ADGRL4: variants seen among roughly 807,000 people sequenced by gnomAD.
ADGRL4 encodes the protein adhesion G protein-coupled receptor L4.
ADGRL4 carries 90 observed loss-of-function variants against 74.8 expected under a neutral mutation model. That is an observed-to-expected ratio of 1.20 (90% CI 1.02 to 1.43). ADGRL4 has a LOEUF of 1.43. Among genes scored for constraint, ADGRL4 ranks in the 40% most tolerant of loss-of-function variants. The pLI is 0.00. For missense variants in ADGRL4, 881 were observed against 814.3 expected (o/e 1.08, Z -1.00); for synonymous variants, 311 against 279.2 (o/e 1.11, Z -1.14).
chr1:78,993,570 CCA>C (rs200036223), intron 2 of ADGRL4, among the ~76,000 whole-genome samples: 19,771 of 102,920 alleles, frequency 0.19, 1,423 homozygotes, highest in East Asian at 0.38. Context: ...AGCAAAAATT[CCA>C]TTTTTTTTTT....
chr1:78,995,315 G>A (rs1453756881), intron 2 of ADGRL4, among the ~76,000 whole-genome samples: 1 of 152,164 alleles, frequency 6.6e-6, no homozygotes, highest in African/African-American at 2.4e-5. Context: ...TTCCTTCTGA[G>A]GGAGGAAACC....
chr1:78,956,683 T>A (rs1236028615), intron 2 of ADGRL4, among the ~76,000 whole-genome samples: 1 of 152,138 alleles, frequency 6.6e-6, no homozygotes, highest in Admixed American at 6.6e-5. Flanking sequence ...AACAGAGAAT[T>A]GAATTACCTA....
At chr1:78,916,393 A>C (rs993132921) in intron 12 of ADGRL4, among the ~76,000 whole-genome samples, 4 of 151,862 alleles carry the variant, frequency 2.6e-5, no homozygotes, top group African/African-American at 9.7e-5. Context: ...CACATGAAAT[A>C]CTCACATCAG....
intron 14 of ADGRL4, 129 bp from the exon 15 acceptor site, chr1:78,891,345 G>A: frequency 8.0e-7 from 1 of 1,246,216 alleles, no homozygotes; most frequent in South Asian, 1.6e-5. Flanking sequence ...GTCCATTTAA[G>A]TTATATTTAT....
At chr1:78,913,128 C>A (rs1228919272) in intron 12 of ADGRL4, among the ~76,000 whole-genome samples, 1 of 151,710 alleles carries the variant, frequency 6.6e-6, no homozygotes, top group Non-Finnish European at 1.5e-5. Context: ...ATTAAAAAGT[C>A]AAAAAATTAC....
chr1:78,895,748 G>T (rs1299770202), intron 12 of ADGRL4, among the ~76,000 whole-genome samples: 1 of 152,100 alleles, frequency 6.6e-6, no homozygotes, highest in East Asian at 1.9e-4. Context: ...GACATGAGTT[G>T]GGTGAGGAGG....
At chr1:78,989,751 G>C (rs1650567673) in intron 2 of ADGRL4, among the ~76,000 whole-genome samples, 1 of 151,928 alleles carries the variant, frequency 6.6e-6, no homozygotes, top group Non-Finnish European at 1.5e-5. Flanking sequence ...TTGTCAAAAA[G>C]TGATTGACAG....
chr1:78,947,385 A>G (rs1383034632), intron 2 of ADGRL4, among the ~76,000 whole-genome samples: 1 of 152,194 alleles, frequency 6.6e-6, no homozygotes, highest in Non-Finnish European at 1.5e-5. Context: ...GTGAAGACAG[A>G]GGCAGAGACT....
At chr1:78,992,384 A>G (rs1468414392) in intron 2 of ADGRL4, among the ~76,000 whole-genome samples, 1 of 152,074 alleles carries the variant, frequency 6.6e-6, no homozygotes, top group African/African-American at 2.4e-5. Context: ...GGAAAACAGC[A>G]TTACCTTGCA....
intron 2 of ADGRL4, among the ~76,000 whole-genome samples, chr1:78,973,609 T>C (rs1448012928): frequency 2.0e-5 from 3 of 149,346 alleles, no homozygotes; most frequent in African/African-American, 4.9e-5. Context: ...ATATATATTA[T>C]CTTAAATAAT....
At chr1:78,931,756 GA>G (rs1285009607) in intron 7 of ADGRL4, among the ~76,000 whole-genome samples, 3 of 148,682 alleles carry the variant, frequency 2.0e-5, no homozygotes, top group African/African-American at 5.0e-5. Flanking sequence ...CAAATGGAAA[GA>G]AAAAAAAAGC....
chr1:78,918,154 A>G, intron 10 of ADGRL4, 104 bp from the exon 11 acceptor site: 2 of 847,490 alleles, frequency 2.4e-6, no homozygotes, highest in South Asian at 3.5e-5. Context: ...TCTTTATACT[A>G]TAAAGTATGC....
At chr1:78,916,235 G>A (rs894501715) in intron 12 of ADGRL4, among the ~76,000 whole-genome samples, 1 of 151,828 alleles carries the variant, frequency 6.6e-6, no homozygotes, top group East Asian at 1.9e-4. Context: ...GTATGCTCCT[G>A]TTTTTGTTGT....
At chr1:78,988,549 A>G (rs1650542002) in intron 2 of ADGRL4, among the ~76,000 whole-genome samples, 1 of 151,876 alleles carries the variant, frequency 6.6e-6, no homozygotes, top group Admixed American at 6.6e-5. Flanking sequence ...ATACATTTCC[A>G]TACAAATCTA....
At chr1:78,936,261 T>C (rs1225539795) in intron 7 of ADGRL4, 34 bp downstream of exon 7, 1 of 1,565,498 alleles carries the variant, frequency 6.4e-7, no homozygotes, top group South Asian at 1.2e-5. Flanking sequence ...GCAAATTCAT[T>C]GATATATTGT....
intron 2 of ADGRL4, among the ~76,000 whole-genome samples, chr1:78,967,451 G>A (rs907411052): frequency 6.6e-6 from 1 of 152,236 alleles, no homozygotes. Context: ...TTTATAATGT[G>A]TAATTGAAAC....
chr1:78,931,654 A>C (rs188718363), intron 7 of ADGRL4, among the ~76,000 whole-genome samples: 1 of 151,408 alleles, frequency 6.6e-6, no homozygotes, highest in East Asian at 1.9e-4. Context: ...TAAAGAGTTG[A>C]GACCCATCGG....
At chr1:78,980,785 T>G (rs2100725954) in intron 2 of ADGRL4, among the ~76,000 whole-genome samples, 1 of 152,048 alleles carries the variant, frequency 6.6e-6, no homozygotes, top group African/African-American at 2.4e-5. Flanking sequence ...ACTACACTAT[T>G]TATAAAAACC....
Position 78,907,173 on chromosome 1 carries a change from T to C in ADGRL4, c.1749+10461A>G, listed in dbSNP as rs572032973. Reference sequence around the variant, plus strand: ...GAAAGCATGTCATAGGTAGATAGACTAATATACATAGGTAGATATAGTAAT... The same window carrying C: ...GAAAGCATGTCATAGGTAGATAGACCAATATACATAGGTAGATATAGTAAT... On this transcript the variant is annotated intron_variant, in intron 12 of 14. Transcript: ENST00000370742. Among the ~76,000 whole-genome samples the C allele has an allele frequency of 1.2e-4, 19 of 152,136 alleles. No individual in the cohort carries two copies. The East Asian group carries it at 3.7e-3, about 29-fold the overall frequency.
Sources: gnomAD v4.1 joint callset for allele counts (sites outside exome capture counted in the v4.1 genomes callset) on GRCh38, gnomAD v4.1.1 for gene constraint, MANE v1.5 for transcripts, NCBI Gene and HGNC (gene_info 2026-07-23, HGNC 2026-07-21) for gene names.